PKHD1: variants seen among roughly 807,000 people sequenced by gnomAD.
The protein encoded by PKHD1 is fibrocystin.
PKHD1 carries 291 observed loss-of-function variants against 412.0 expected under a neutral mutation model. The observed-to-expected ratio is 0.71, with a 90% CI of 0.64 to 0.78. The LOEUF (loss-of-function observed/expected upper bound fraction) is 0.78, where lower values mean the gene tolerates loss of function less well. PKHD1 is among the 30% of genes least tolerant of loss of function. The pLI, the probability that PKHD1 is intolerant of heterozygous loss-of-function variation, is 0.00. For synonymous variants in PKHD1, 1,777 were observed against 1,821.5 expected (o/e 0.98, Z 0.62); for missense variants, 4,825 against 4,950.7 (o/e 0.97, Z 0.76).
chr6:52,067,984 G>A (rs1348619569), intron 11 of PKHD1, among the ~76,000 whole-genome samples: 1 of 152,154 alleles, frequency 6.6e-6, no homozygotes, highest in African/African-American at 2.4e-5. Flanking sequence ...AGGTGATGGG[G>A]TCCAGAAATG....
At chr6:51,730,179 G>GT (rs1197395052) in intron 60 of PKHD1, among the ~76,000 whole-genome samples, 1 of 151,970 alleles carries the variant, frequency 6.6e-6, no homozygotes, top group Non-Finnish European at 1.5e-5. Flanking sequence ...TTTATTTCTA[G>GT]TTTTTTAGTT....
At chr6:51,716,704 G>C (rs976918481) in intron 60 of PKHD1, among the ~76,000 whole-genome samples, 1 of 152,000 alleles carries the variant, frequency 6.6e-6, no homozygotes, top group Non-Finnish European at 1.5e-5. Flanking sequence ...TGAAGTGGGT[G>C]TAACAGCCAA....
intron 60 of PKHD1, among the ~76,000 whole-genome samples, chr6:51,666,468 C>T (rs1773796505): frequency 6.6e-6 from 1 of 152,086 alleles, no homozygotes; most frequent in Admixed American, 6.5e-5. Context: ...GTTTGTTTTC[C>T]ATAATTTCAT....
intron 35 of PKHD1, among the ~76,000 whole-genome samples, chr6:51,986,594 G>A (rs1201174047): frequency 6.6e-6 from 1 of 152,174 alleles, no homozygotes; most frequent in African/African-American, 2.4e-5. Context: ...TGATGATCCA[G>A]AGGTATCAAC....
intron 60 of PKHD1, among the ~76,000 whole-genome samples, chr6:51,693,672 CT>C (rs1206156479): frequency 1.3e-5 from 2 of 152,182 alleles, no homozygotes; most frequent in African/African-American, 4.8e-5. Flanking sequence ...ATATGGGCAG[CT>C]TCATTAAAAA....
At chr6:51,944,104 C>T (rs916841245) in intron 36 of PKHD1, among the ~76,000 whole-genome samples, 6 of 152,184 alleles carry the variant, frequency 3.9e-5, no homozygotes, top group African/African-American at 1.4e-4. Flanking sequence ...CCTGTTCCTG[C>T]CTTAACTGAT....
chr6:51,682,085 C>T (rs1309364016), intron 60 of PKHD1: 1 of 317,846 alleles, frequency 3.1e-6, no homozygotes, highest in Non-Finnish European at 6.4e-6. Context: ...GAGATATATA[C>T]AGCATCAGGG....
chr6:52,082,715 T>C (rs1025691041), intron 3 of PKHD1, among the ~76,000 whole-genome samples, 173 bp from the exon 4 acceptor site: 3 of 152,224 alleles, frequency 2.0e-5, no homozygotes, highest in African/African-American at 7.2e-5. Context: ...TCATTTATGA[T>C]TTTATGAAAG....
At chr6:51,839,291 G>A (rs1399437539) in intron 50 of PKHD1, among the ~76,000 whole-genome samples, 2 of 152,178 alleles carry the variant, frequency 1.3e-5, no homozygotes, top group African/African-American at 4.8e-5. Flanking sequence ...CAGTGCTTAT[G>A]ATTTCTGATT....
At chr6:51,931,581 A>T (rs1335262706) in intron 37 of PKHD1, among the ~76,000 whole-genome samples, 1 of 152,148 alleles carries the variant, frequency 6.6e-6, no homozygotes, top group Non-Finnish European at 1.5e-5. Flanking sequence ...TCTCTGACAG[A>T]TACATCAGGA....
intron 63 of PKHD1, among the ~76,000 whole-genome samples, chr6:51,644,542 G>A (rs1305897594): frequency 6.6e-6 from 1 of 152,136 alleles, no homozygotes; most frequent in East Asian, 1.9e-4. Context: ...CCTATTCTTG[G>A]AAGTCAGTGA....
chr6:52,084,579 C>T lies in PKHD1; in HGVS notation c.52+303G>A, dbSNP rs529777357. Among the ~76,000 whole-genome samples, 6 of 152,292 alleles carry T rather than the reference C, an allele frequency of 3.9e-5. No homozygotes were observed. In the South Asian group the frequency reaches 1.2e-3, roughly 32 times the overall value. The stretch of plus-strand genomic sequence containing the variant: ...ATAAGTTATTATTAAAAGCTCTGCA[C>T]TACAACAATAATCTTCACTGACCAT... On this transcript the variant is annotated intron_variant, in intron 2 of 66. Coordinates refer to ENST00000371117, the MANE Select transcript of PKHD1 (RefSeq NM_138694.4).
chr6:51,729,280 C>T (rs1782958755), intron 60 of PKHD1, among the ~76,000 whole-genome samples: 1 of 152,222 alleles, frequency 6.6e-6, no homozygotes, highest in Non-Finnish European at 1.5e-5. Context: ...GAAAGATTGG[C>T]TTCTAGGTCT....
intron 52 of PKHD1, among the ~76,000 whole-genome samples, chr6:51,827,976 T>C (rs1767605414): frequency 1.3e-5 from 2 of 152,112 alleles, no homozygotes; most frequent in Non-Finnish European, 2.9e-5. Flanking sequence ...GGGAAGTATC[T>C]CCAGTTTTTC....
chr6:51,775,886 G>A lies in PKHD1; in HGVS notation c.8476C>T (p.Leu2826Phe). The change falls in exon 54 of 67, where the codon CTT becomes TTT. Residue 2826 changes from leucine to phenylalanine, a missense_variant. Leu to Phe is a conservative substitution (Grantham distance 22). Coordinates refer to ENST00000371117, the MANE Select transcript of PKHD1 (RefSeq NM_138694.4). ...TCTGAGGCTCTAAGGAGAATCAGAA[G>A]CTTTTGTTCCTTTTCTAAGGGATTT... is the stretch of plus-strand genomic sequence containing the variant. ...LENPLEKEQKLLILLRASEGV... is the reference protein window; with the variant it reads ...LENPLEKEQKFLILLRASEGV... 6.3e-7 allele frequency: 1 copy of A among 1,595,304 alleles called. No individual in the cohort carries two copies.
Position 52,017,399 on chromosome 6 carries a change from G to T in PKHD1, c.5600+11C>A. On this transcript the variant is annotated intron_variant, in intron 34 of 66. Transcript: ENST00000371117. ...TGTGGGGAAGTTCAGGGAGGGAGAA[G>T]GTAAAGTTACCTGATAAAGAGGCCC... 1 of 1,579,982 alleles carries T rather than the reference G, an allele frequency of 6.3e-7. No homozygotes were observed. The highest frequency in any genetic ancestry group is 1.1e-5 in the South Asian group (1 of 90,350).
intron 46 of PKHD1, among the ~76,000 whole-genome samples, chr6:51,881,046 C>T (rs755808255): frequency 6.7e-6 from 1 of 148,276 alleles, no homozygotes; most frequent in Non-Finnish European, 1.5e-5. Flanking sequence ...GTCCCATAAC[C>T]ACAGAGGTCA....
At chr6:51,977,772 A>G (rs182410913) in intron 35 of PKHD1, among the ~76,000 whole-genome samples, 2 of 152,350 alleles carry the variant, frequency 1.3e-5, no homozygotes, top group East Asian at 3.9e-4. Flanking sequence ...CCACCTGGAA[A>G]GTCTAAAGAC....
At chr6:51,674,962 T>G (rs1370021403) in intron 60 of PKHD1, among the ~76,000 whole-genome samples, 1 of 152,176 alleles carries the variant, frequency 6.6e-6, no homozygotes, top group Non-Finnish European at 1.5e-5. Flanking sequence ...GAAATCCTGG[T>G]CTTCATAAAT....
Sources: allele counts gnomAD v4.1 joint callset (sites outside exome capture counted in the v4.1 genomes callset), GRCh38; gene constraint gnomAD v4.1.1; transcripts MANE v1.5; gene names NCBI Gene and HGNC (gene_info 2026-07-23, HGNC 2026-07-21).